SLC24A2: variants seen among roughly 807,000 people sequenced by gnomAD.
SLC24A2 encodes solute carrier family 24 member 2.
In SLC24A2, 36 loss-of-function variants were observed where a neutral mutation model predicts 62.0. The ratio of observed to expected loss-of-function variants is 0.58; its 90% CI spans 0.44 to 0.77. The LOEUF is 0.77. SLC24A2 is among the 30% of genes least tolerant of loss of function. The pLI, the probability that SLC24A2 is intolerant of heterozygous loss-of-function variation, is 0.00. For missense variants in SLC24A2, 846 were observed against 817.9 expected, an observed-to-expected ratio of 1.03 and a Z score of -0.42; for synonymous variants, 358 against 294.0, an observed-to-expected ratio of 1.22 and a Z score of -2.23.
the SLC24A2 span, among the ~76,000 whole-genome samples, chr9:20,054,399 C>G: frequency 3.9e-5 from 6 of 152,044 alleles, no homozygotes; most frequent in African/African-American, 1.4e-4. Flanking sequence ...ACCATGTTGG[C>G]CAGGCTGGTC....
chr9:19,865,439 A>C, the SLC24A2 span, among the ~76,000 whole-genome samples: 1 of 152,212 alleles, frequency 6.6e-6, no homozygotes, highest in Non-Finnish European at 1.5e-5. Flanking sequence ...GAATCCCAGT[A>C]CTTGACTTCA....
the SLC24A2 span, among the ~76,000 whole-genome samples, chr9:20,240,257 T>C: frequency 6.6e-6 from 1 of 152,200 alleles, no homozygotes; most frequent in Non-Finnish European, 1.5e-5. Context: ...TTCACCTATT[T>C]GTTTTTCCAT....
the SLC24A2 span, among the ~76,000 whole-genome samples, chr9:20,132,228 G>C: frequency 1.3e-5 from 2 of 151,914 alleles, no homozygotes; most frequent in Admixed American, 6.6e-5. Context: ...GCTTCACCGC[G>C]CAGAAGCAGA....
chr9:20,169,037 T>C, the SLC24A2 span, among the ~76,000 whole-genome samples: 1 of 152,000 alleles, frequency 6.6e-6, no homozygotes, highest in African/African-American at 2.4e-5. Context: ...AAATGACATA[T>C]TGATACATAT....
the SLC24A2 span, among the ~76,000 whole-genome samples, chr9:20,133,589 TAACA>T: frequency 6.6e-5 from 10 of 152,154 alleles, no homozygotes; most frequent in African/African-American, 1.4e-4. Flanking sequence ...ATGTCTAAAA[TAACA>T]AACAAGAAAG....
chr9:19,799,047 A>G, the SLC24A2 span, among the ~76,000 whole-genome samples: 2 of 152,160 alleles, frequency 1.3e-5, no homozygotes, highest in Non-Finnish European at 2.9e-5. Context: ...AAGCTTCTAC[A>G]CTATTCTACT....
chr9:20,020,950 T>A, the SLC24A2 span, among the ~76,000 whole-genome samples: 1 of 152,178 alleles, frequency 6.6e-6, no homozygotes, highest in Non-Finnish European at 1.5e-5. Flanking sequence ...CTGGTCTTTA[T>A]GTTTCATTTG....
the SLC24A2 span, among the ~76,000 whole-genome samples, chr9:19,899,974 G>A: frequency 1.3e-5 from 2 of 152,248 alleles, no homozygotes; most frequent in South Asian, 4.2e-4. Context: ...TGTGTGTGGG[G>A]ACACAGCCAA....
intron 8 of SLC24A2, among the ~76,000 whole-genome samples, chr9:19,548,841 G>A (rs751532279): frequency 4.6e-5 from 7 of 152,214 alleles, no homozygotes; most frequent in Non-Finnish European, 8.8e-5. Context: ...CTGTATTTCC[G>A]AGTATACTGT....
chr9:20,278,953 C>T, the SLC24A2 span, among the ~76,000 whole-genome samples: 1 of 152,090 alleles, frequency 6.6e-6, no homozygotes, highest in Non-Finnish European at 1.5e-5. Context: ...ATTAGGAGGC[C>T]TCAAGGCACT....
chr9:20,244,003 C>G, the SLC24A2 span, among the ~76,000 whole-genome samples: 308 of 152,162 alleles, frequency 2.0e-3, 1 homozygote, highest in African/African-American at 7.2e-3. Context: ...ACAGGAAGTC[C>G]GGCTGCTGTC....
chr9:19,717,513 G>C, intron 2 of SLC24A2, among the ~76,000 whole-genome samples: 1 of 152,182 alleles, frequency 6.6e-6, no homozygotes, highest in Non-Finnish European at 1.5e-5. Context: ...TGCTGCCAAA[G>C]TGGTTGCCTC....
chr9:19,910,907 CTTTTATT>C, the SLC24A2 span, among the ~76,000 whole-genome samples: 1 of 145,794 alleles, frequency 6.9e-6, no homozygotes, highest in Non-Finnish European at 1.5e-5. Flanking sequence ...CTTTTCTTTT[CTTTTATT>C]TTTTATTTTA....
intron 2 of SLC24A2, among the ~76,000 whole-genome samples, chr9:19,668,052 A>G (rs1164590633): frequency 1.3e-5 from 2 of 152,070 alleles, no homozygotes; most frequent in African/African-American, 2.4e-5. Flanking sequence ...GCCACATTGG[A>G]AGCTCCTTGG....
chr9:19,881,117 T>C, the SLC24A2 span, among the ~76,000 whole-genome samples: 13 of 152,334 alleles, frequency 8.5e-5, no homozygotes, highest in African/African-American at 2.6e-4. Flanking sequence ...ATATCAACCA[T>C]TTGTCCTATT....
chr9:20,007,904 TTTTTTTTTTTTG>T, the SLC24A2 span, among the ~76,000 whole-genome samples: 1 of 122,726 alleles, frequency 8.1e-6, no homozygotes, highest in African/African-American at 3.2e-5. Flanking sequence ...TTTTTTTTTT[TTTTTTTTTTTTG>T]ACAGAGCCTC....
the SLC24A2 span, among the ~76,000 whole-genome samples, chr9:20,175,952 C>T: frequency 6.6e-6 from 1 of 151,866 alleles, no homozygotes; most frequent in Non-Finnish European, 1.5e-5. Context: ...GAGAAGAGAT[C>T]ATGGAGAGGG....
the SLC24A2 span, among the ~76,000 whole-genome samples, chr9:20,054,914 A>G: frequency 1.4e-4 from 21 of 152,312 alleles, no homozygotes; most frequent in Non-Finnish European, 2.8e-4. Context: ...GATGCTCTCA[A>G]TCATAAAAAA....
chr9:19,611,791 G>A (rs1331275152), intron 4 of SLC24A2, among the ~76,000 whole-genome samples: 1 of 152,158 alleles, frequency 6.6e-6, no homozygotes, highest in Non-Finnish European at 1.5e-5. Context: ...AGTTACTAGG[G>A]ATGGGAAGAA....
Sources: gnomAD v4.1 joint callset for allele counts (sites outside exome capture counted in the v4.1 genomes callset) on GRCh38, gnomAD v4.1.1 for gene constraint, MANE v1.5 for transcripts, NCBI Gene and HGNC (gene_info 2026-07-23, HGNC 2026-07-21) for gene names.